ENTPD1: variants seen among roughly 807,000 people sequenced by gnomAD.
ENTPD1 encodes ectonucleoside triphosphate diphosphohydrolase 1.
A neutral mutation model predicts 57.0 loss-of-function variants in ENTPD1; 33 were observed. The ratio of observed to expected loss-of-function variants is 0.58; its 90% CI spans 0.44 to 0.77. The LOEUF (loss-of-function observed/expected upper bound fraction) is 0.77. Among genes scored for constraint, ENTPD1 ranks in the 30% least tolerant of loss-of-function variants. The probability of loss-of-function intolerance (pLI) is 0.00; values close to 1 mark genes in which losing one functional copy is unlikely to be tolerated. For synonymous variants in ENTPD1, 202 were observed against 218.8 expected, an observed-to-expected ratio of 0.92 and a Z score of 0.68; for missense variants, 501 against 603.4, an observed-to-expected ratio of 0.83 and a Z score of 1.78.
At chr10:95,783,655 T>G (rs1287937218) in intron 1 of ENTPD1, among the ~76,000 whole-genome samples, 1 of 151,994 alleles carries the variant, frequency 6.6e-6, no homozygotes, top group African/African-American at 2.4e-5. Context: ...TTTCTTAGGA[T>G]TCCTAAAAAT....
intron 1 of ENTPD1, among the ~76,000 whole-genome samples, chr10:95,747,014 G>C (rs73331134): frequency 2.6e-5 from 4 of 152,018 alleles, no homozygotes; most frequent in Non-Finnish European, 4.4e-5. Context: ...GGTTTGTAGG[G>C]ATCATAAAAA....
At chr10:95,805,865 A>G (rs971890341) in intron 1 of ENTPD1, among the ~76,000 whole-genome samples, 17 of 152,178 alleles carry the variant, frequency 1.1e-4, no homozygotes, top group African/African-American at 3.9e-4. Context: ...GATCCGCTGT[A>G]AGACTGATGG....
At chr10:95,774,863 T>C (rs960017263) in intron 1 of ENTPD1, among the ~76,000 whole-genome samples, 1 of 152,246 alleles carries the variant, frequency 6.6e-6, no homozygotes, top group Non-Finnish European at 1.5e-5. Flanking sequence ...TCCAATTCTG[T>C]GAAGAAAGTC....
Position 95,868,468 on chromosome 10 carries a change from T to G in ENTPD1, c.*2085T>G. The G allele has an allele frequency of 1.0e-6, 1 of 985,442 alleles. No individual in the cohort carries two copies. Among genetic ancestry groups the G allele is most frequent in the African/African-American group, 1.7e-5 (1 of 57,354 alleles). 61.0% of individuals were successfully genotyped at this position (985,442 alleles called of 1,614,324 possible). On this transcript the variant is annotated 3_prime_UTR_variant, in exon 10 of 10. Coordinates refer to ENST00000371205, the MANE Select transcript of ENTPD1 (RefSeq NM_001776.6). The stretch of plus-strand genomic sequence containing the variant: ...ACCCCTGGCTTCCTAATTTTAATGT[T>G]TGCTCACAGCATAGTAGATTGACAT...
rs960729399 is a variant in ENTPD1, at chr10:95,868,512, G to A, written c.*2129G>A. ...TTGACATCAAATAGTGGCCGATGATGATGAAAATAAAGGTCAAATAAGTTG... is the reference window on the plus strand; with the variant it reads ...TTGACATCAAATAGTGGCCGATGATAATGAAAATAAAGGTCAAATAAGTTG... On this transcript the variant is annotated 3_prime_UTR_variant, in exon 10 of 10. Transcript: ENST00000371205. The A allele has an allele frequency of 8.1e-6, 8 of 985,306 alleles. No homozygotes were observed. The highest frequency in any genetic ancestry group is 9.6e-6 in the Non-Finnish European group (8 of 829,940). 61.0% of individuals were successfully genotyped at this position (985,306 alleles called of 1,614,324 possible).
At chr10:95,779,829 A>G (rs2140172172) in intron 1 of ENTPD1, among the ~76,000 whole-genome samples, 1 of 152,316 alleles carries the variant, frequency 6.6e-6, no homozygotes, top group East Asian at 1.9e-4. Context: ...GAGAAGTAAA[A>G]TACAATGTAA....
At chr10:95,718,899 C>G (rs1361218712) in intron 1 of ENTPD1, among the ~76,000 whole-genome samples, 3 of 152,202 alleles carry the variant, frequency 2.0e-5, no homozygotes. Context: ...TATGTTCTAT[C>G]TTTTCTTTAT....
chr10:95,851,878 C>T (rs61869605), intron 7 of ENTPD1, among the ~76,000 whole-genome samples: 9 of 151,986 alleles, frequency 5.9e-5, no homozygotes, highest in Non-Finnish European at 8.8e-5. Context: ...TGAATAGTGC[C>T]GCAGTAAACA....
intron 2 of ENTPD1, among the ~76,000 whole-genome samples, chr10:95,836,919 G>A (rs2098411188): frequency 6.6e-6 from 1 of 152,192 alleles, no homozygotes; most frequent in Non-Finnish European, 1.5e-5. Context: ...CTCTCAAGCA[G>A]CAAACAATGC....
chr10:95,829,011 A>T (rs1207141416), intron 2 of ENTPD1, among the ~76,000 whole-genome samples: 1 of 152,184 alleles, frequency 6.6e-6, no homozygotes, highest in African/African-American at 2.4e-5. Flanking sequence ...GCACCTGGCC[A>T]TGCCCATTTT....
chr10:95,840,700 T>G (rs1169111851), intron 3 of ENTPD1, among the ~76,000 whole-genome samples: 2 of 152,216 alleles, frequency 1.3e-5, no homozygotes, highest in Non-Finnish European at 2.9e-5. Flanking sequence ...TTTTTTCTTT[T>G]AAGGTCATAA....
At chr10:95,707,640 T>C (rs2097963062), upstream of ENTPD1, among the ~76,000 whole-genome samples, 1 of 152,232 alleles carries the variant, frequency 6.6e-6, no homozygotes, top group African/African-American at 2.4e-5. Context: ...AGTCTTGCTC[T>C]GTGTCTCAGG....
chr10:95,869,498 C>A lies in ENTPD1; in HGVS notation c.*3115C>A. ...CTCCCAATCTCAGGTGATCCTATTG[C>A]CTCGGGCTCCCAAAGTGCTGGGATT... On this transcript the variant is annotated 3_prime_UTR_variant, in exon 10 of 10. Coordinates refer to ENST00000371205, the MANE Select transcript of ENTPD1 (RefSeq NM_001776.6). 1 of 955,430 alleles carries A rather than the reference C, an allele frequency of 1.0e-6. No homozygotes were observed. Among genetic ancestry groups the A allele is most frequent in the Non-Finnish European group, 1.2e-6 (1 of 802,930 alleles). The allele number at this position is 955,430 out of a possible 1,614,324, so 59.2% of individuals were successfully genotyped here.
intron 7 of ENTPD1, among the ~76,000 whole-genome samples, chr10:95,852,300 G>GT (rs2098446747): frequency 6.6e-6 from 1 of 152,066 alleles, no homozygotes; most frequent in African/African-American, 2.4e-5. Context: ...TTGTAAATTT[G>GT]TTTGAGTTCA....
At chr10:95,835,272 A>T (rs764031628) in intron 2 of ENTPD1, among the ~76,000 whole-genome samples, 4 of 152,178 alleles carry the variant, frequency 2.6e-5, no homozygotes, top group Non-Finnish European at 4.4e-5. Flanking sequence ...ACATGATTTC[A>T]TTCTTTTTTA....
At chr10:95,813,699 A>G (rs2140466796) in intron 1 of ENTPD1, among the ~76,000 whole-genome samples, 2 of 152,270 alleles carry the variant, frequency 1.3e-5, no homozygotes, top group South Asian at 4.1e-4. Flanking sequence ...TGGTCTGGTC[A>G]GTTGGGGGGC....
chr10:95,704,693 G>T, the ENTPD1 span, among the ~76,000 whole-genome samples: 1 of 152,132 alleles, frequency 6.6e-6, no homozygotes, highest in African/African-American at 2.4e-5. Context: ...AGAACGTGAT[G>T]TAAGATAATA....
At chr10:95,818,763 C>T (rs1411272459) in intron 1 of ENTPD1, among the ~76,000 whole-genome samples, 3 of 152,208 alleles carry the variant, frequency 2.0e-5, no homozygotes, top group African/African-American at 7.2e-5. Context: ...GAGACTTTGA[C>T]TCTGTGAGTT....
Position 95,866,977 on chromosome 10 carries a change from T to C in ENTPD1, c.*594T>C. The C allele has an allele frequency of 1.0e-6, 1 of 996,136 alleles. No homozygotes were observed. Among genetic ancestry groups the C allele is most frequent in the South Asian group, 4.4e-5 (1 of 22,628 alleles). 61.7% of individuals were successfully genotyped at this position (996,136 alleles called of 1,614,324 possible). The stretch of plus-strand genomic sequence containing the variant: ...ATATGTGCTCATGCAGTCAATACAG[T>C]TCTCAATCCCACCCAAAGCAGGTAT... On this transcript the variant is annotated 3_prime_UTR_variant, in exon 10 of 10. Transcript: ENST00000371205.
Sources: gnomAD v4.1 joint callset for allele counts (sites outside exome capture counted in the v4.1 genomes callset) on GRCh38, gnomAD v4.1.1 for gene constraint, MANE v1.5 for transcripts, NCBI Gene and HGNC (gene_info 2026-07-23, HGNC 2026-07-21) for gene names.